The following JMJD1C variants were observed in gnomAD, a reference collection of about 807,000 sequenced individuals.
JMJD1C encodes the protein jumonji domain-containing protein 1C.
Under a neutral mutation model 245.3 loss-of-function variants are expected in JMJD1C, and 31 were observed. The ratio of observed to expected loss-of-function variants is 0.13; its 90% CI spans 0.09 to 0.17. The LOEUF (loss-of-function observed/expected upper bound fraction) is 0.17, where lower values mean the gene tolerates loss of function less well. Ranked by LOEUF, JMJD1C falls within the 10% of genes least tolerant of loss-of-function variation. The probability of loss-of-function intolerance (pLI) is 1.00; values close to 1 mark genes in which losing one functional copy is unlikely to be tolerated. For missense variants in JMJD1C, 2,691 were observed against 3,000.2 expected (o/e 0.90, Z 2.41); for synonymous variants, 1,057 against 1,017.4 (o/e 1.04, Z -0.74).
At chr10:63,238,325 T>TA (rs1181894494) in intron 3 of JMJD1C, among the ~76,000 whole-genome samples, 2 of 152,030 alleles carry the variant, frequency 1.3e-5, no homozygotes, top group Non-Finnish European at 1.5e-5. Context: ...ATTTTTTTTT[T>TA]ACTGCTCCTA....
chr10:63,354,575 A>G (rs1564824576), intron 2 of JMJD1C, among the ~76,000 whole-genome samples: 1 of 151,768 alleles, frequency 6.6e-6, no homozygotes, highest in Non-Finnish European at 1.5e-5. Flanking sequence ...TGTATATTTT[A>G]CTTTTTCTCT....
At chr10:63,383,971 G>T (rs906659152) in intron 1 of JMJD1C, among the ~76,000 whole-genome samples, 7 of 152,074 alleles carry the variant, frequency 4.6e-5, no homozygotes, top group African/African-American at 1.4e-4. Context: ...ATGCAATATT[G>T]TTGGCCACTT....
chr10:63,478,819 C>G (rs945694545), intron 1 of JMJD1C, among the ~76,000 whole-genome samples: 8 of 152,130 alleles, frequency 5.3e-5, no homozygotes, highest in South Asian at 4.1e-4. Context: ...AGAGGTCAAG[C>G]TGATAACCAC....
At chr10:63,490,406 A>T (rs1269079253) in intron 1 of JMJD1C, among the ~76,000 whole-genome samples, 3 of 138,358 alleles carry the variant, frequency 2.2e-5, no homozygotes, top group Non-Finnish European at 3.3e-5. Flanking sequence ...ACAATCTATA[A>T]TTATTTATTT....
At chr10:63,504,361 T>G (rs1954652870) in intron 1 of JMJD1C, among the ~76,000 whole-genome samples, 1 of 152,010 alleles carries the variant, frequency 6.6e-6, no homozygotes, top group African/African-American at 2.4e-5. Context: ...CCAGGAGTGA[T>G]TAGGTGGTTA....
At chr10:63,314,962 T>TG (rs993721567) in intron 2 of JMJD1C, among the ~76,000 whole-genome samples, 26 of 149,052 alleles carry the variant, frequency 1.7e-4, no homozygotes, top group Non-Finnish European at 2.5e-4. Flanking sequence ...TTTTGTTTTT[T>TG]TTTTTTTTTT....
upstream of JMJD1C, among the ~76,000 whole-genome samples, chr10:63,469,281 CA>C (rs1414822324): frequency 6.6e-6 from 1 of 152,186 alleles, no homozygotes; most frequent in Non-Finnish European, 1.5e-5. Context: ...ATGTGTCAGA[CA>C]GTATACTAAG....
chr10:63,168,540 C>G lies in JMJD1C; in HGVS notation c.7428G>C (p.Gln2476His). 1 of 1,601,534 alleles carries G rather than the reference C, an allele frequency of 6.2e-7. No individual in the cohort carries two copies. The change falls in exon 25 of 26, where the codon CAG becomes CAC. Residue 2476 changes from glutamine to histidine, a missense_variant. Gln to His is a conservative substitution (Grantham distance 24, BLOSUM62 0). Transcript: ENST00000399262. ...HQVQNFHSCI[Q>H]VTEDFVSPEH... ...CTGGAGACACAAAATCTTCAGTTAC[C>G]TGAATACAGCTGTGAAAATTCTGAA...
chr10:63,357,464 C>T (rs751015209), intron 2 of JMJD1C, among the ~76,000 whole-genome samples: 1 of 152,004 alleles, frequency 6.6e-6, no homozygotes, highest in African/African-American at 2.4e-5. Flanking sequence ...CGCCACCACA[C>T]CTGGTTAATT....
chr10:63,306,780 A>G (rs948913172), intron 2 of JMJD1C, among the ~76,000 whole-genome samples: 1 of 152,214 alleles, frequency 6.6e-6, no homozygotes, highest in African/African-American at 2.4e-5. Context: ...GACGTTTTCA[A>G]AAATTTTCCA....
intron 2 of JMJD1C, among the ~76,000 whole-genome samples, chr10:63,329,721 A>G (rs1207879875): frequency 6.6e-6 from 1 of 152,218 alleles, no homozygotes; most frequent in Non-Finnish European, 1.5e-5. Flanking sequence ...TTGAATTCTA[A>G]TATTTTCCCA....
Position 63,189,323 on chromosome 10 carries a change from G to C in JMJD1C, c.6415C>G (p.Pro2139Ala). Residue 2139 changes from proline to alanine, a missense_variant, in exon 18 of 26, where the codon CCT (proline) becomes GCT (alanine). Pro to Ala is a conservative substitution (Grantham distance 27). Coordinates refer to ENST00000399262, the MANE Select transcript of JMJD1C (RefSeq NM_032776.3). ...INVKPELKEE[P>A]EESIISAVDE... Reference sequence around the variant, plus strand: ...ACTGCAGATATTATGCTTTCTTCAGGCTCTTCTTTAAGCTCTGGTTTTACA... The same window carrying C: ...ACTGCAGATATTATGCTTTCTTCAGCCTCTTCTTTAAGCTCTGGTTTTACA... 6.2e-7 allele frequency: 1 copy of C among 1,613,602 alleles called. No individual in the cohort carries two copies. The highest frequency in any genetic ancestry group is 1.1e-5 in the South Asian group (1 of 91,056).
chr10:63,352,247 C>G (rs1198180583), intron 2 of JMJD1C, among the ~76,000 whole-genome samples: 11 of 152,074 alleles, frequency 7.2e-5, no homozygotes, highest in Admixed American at 6.5e-4. Flanking sequence ...TGAAAAAGAA[C>G]TACACAGAGC....
At chr10:63,415,161 A>T (rs1949728522) in intron 1 of JMJD1C, among the ~76,000 whole-genome samples, 1 of 152,160 alleles carries the variant, frequency 6.6e-6, no homozygotes, top group Non-Finnish European at 1.5e-5. Flanking sequence ...CCCACTTAAG[A>T]ATAAAATTTT....
chr10:63,503,271 T>C (rs1206580943), intron 1 of JMJD1C, among the ~76,000 whole-genome samples: 2 of 152,186 alleles, frequency 1.3e-5, no homozygotes, highest in Admixed American at 6.5e-5. Context: ...TTAGGGGTTT[T>C]TGGGGGGGCT....
At chr10:63,222,337 G>C in intron 3 of JMJD1C, 2 of 1,347,902 alleles carry the variant, frequency 1.5e-6, no homozygotes, top group Non-Finnish European at 2.1e-6. Flanking sequence ...AAGATGCACT[G>C]CATTTGGCAC....
intron 23 of JMJD1C, chr10:63,177,195 T>C (rs553614198): frequency 6.5e-6 from 1 of 153,852 alleles, no homozygotes; most frequent in African/African-American, 2.4e-5. Flanking sequence ...TTATTTCAGG[T>C]TGATATATAA....
chr10:63,294,949 A>G (rs1308083566), intron 2 of JMJD1C, among the ~76,000 whole-genome samples: 1 of 152,198 alleles, frequency 6.6e-6, no homozygotes, highest in Non-Finnish European at 1.5e-5. Flanking sequence ...TGTAGAACTA[A>G]ATTGTTGCAG....
upstream of JMJD1C, among the ~76,000 whole-genome samples, chr10:63,468,682 C>T (rs1243440051): frequency 1.3e-5 from 2 of 152,178 alleles, no homozygotes; most frequent in South Asian, 2.1e-4. Flanking sequence ...TCCATCCCCA[C>T]GTGTAAATAT....
Sources: gnomAD v4.1 joint callset for allele counts (sites outside exome capture counted in the v4.1 genomes callset) on GRCh38, gnomAD v4.1.1 for gene constraint, MANE v1.5 for transcripts, NCBI Gene and HGNC (gene_info 2026-07-23, HGNC 2026-07-21) for gene names.